REV3L: variants seen among roughly 807,000 people sequenced by gnomAD.
The protein encoded by REV3L is DNA polymerase zeta catalytic subunit.
Under a neutral mutation model 299.4 loss-of-function variants are expected in REV3L, and 69 were observed. The ratio of observed to expected loss-of-function variants is 0.23; its 90% CI spans 0.19 to 0.28. The LOEUF is 0.28. Among genes scored for constraint, REV3L ranks in the 10% least tolerant of loss-of-function variants. The probability of loss-of-function intolerance (pLI) is 1.00; values close to 1 mark genes in which losing one functional copy is unlikely to be tolerated. For missense variants in REV3L, 3,128 were observed against 3,693.8 expected (o/e 0.85, Z 3.97); for synonymous variants, 1,238 against 1,271.4 (o/e 0.97, Z 0.56).
Position 111,387,910 on chromosome 6 carries a change from T to A in REV3L, c.951A>T (p.Thr317=), listed in dbSNP as rs776769825. The change falls in exon 9 of 32, where the codon ACA becomes ACT. Residue 317 remains threonine, a synonymous_variant. Transcript: ENST00000368802. ...EILKQNDFSV[T]LSGSVDYSDG... ...CGCTGTAGTCCACAGATCCTGATAA[T>A]GTTCTGCTTAATTAAAACATATCCT... 4 of 1,613,714 alleles carry A rather than the reference T, an allele frequency of 2.5e-6. No homozygotes were observed. The Admixed American group carries it at 6.7e-5, about 27-fold the overall frequency.
At position 111,381,325 on chromosome 6, in the gene REV3L, T is replaced by G. The variant is rs1189557766; in HGVS notation, c.1216A>C (p.Met406Leu). The G allele has an allele frequency of 6.2e-7, 1 of 1,613,432 alleles. No homozygotes were observed. Among genetic ancestry groups the G allele is most frequent in the Non-Finnish European group, 8.5e-7 (1 of 1,179,808 alleles). ...TQRLSESPVFMDSSPDEALVH... is the reference protein window; with the variant it reads ...TQRLSESPVFLDSSPDEALVH... Reference sequence around the variant, plus strand: ...TATTTATGGTAGCACTGTTACTTACTGAAAACAGGTGACTCACTCAGTCTT... The same window carrying G: ...TATTTATGGTAGCACTGTTACTTACGGAAAACAGGTGACTCACTCAGTCTT... The change falls in exon 10 of 32, where the codon ATG (methionine) becomes CTG (leucine). Residue 406 changes from methionine to leucine, a missense_variant and splice_region_variant. This residue lies in a region of REV3L where 2,409 missense variants were observed against 2,611.8 expected (regional missense o/e 0.92). Transcript: ENST00000368802.
intron 4 of REV3L, among the ~76,000 whole-genome samples, chr6:111,398,445 T>C (rs1582842427): frequency 6.6e-6 from 1 of 152,126 alleles, no homozygotes; most frequent in East Asian, 1.9e-4. Context: ...AAAAAAAAAT[T>C]GTCCCATTTA....
At chr6:111,307,143 C>A (rs1180628608) in intron 31 of REV3L, among the ~76,000 whole-genome samples, 3 of 152,004 alleles carry the variant, frequency 2.0e-5, no homozygotes, top group African/African-American at 7.2e-5. Flanking sequence ...TTAAGAAACA[C>A]AACACACTAT....
chr6:111,428,385 CAG>C (rs1228631152), intron 1 of REV3L, among the ~76,000 whole-genome samples: 4 of 151,966 alleles, frequency 2.6e-5, no homozygotes, highest in Admixed American at 1.3e-4. Context: ...AAAAACCAAA[CAG>C]AAATCGAAAT....
Position 111,300,063 on chromosome 6 carries a change from C to G in REV3L, c.9346G>C (p.Glu3116Gln). The G allele has an allele frequency of 1.2e-6, 2 of 1,613,662 alleles. No individual in the cohort carries two copies. The highest frequency in any genetic ancestry group is 1.7e-6 in the Non-Finnish European group (2 of 1,179,760). ...CGGAGATATGGTGCCTTGGACAATT[C>G]TCTATTTACTCGGGAGAGTTTGAAA... ...VLFKLSRVNRELSKAPYLRQL... is the reference protein window; with the variant it reads ...VLFKLSRVNRQLSKAPYLRQL... The change falls in exon 32 of 32, where the codon GAA becomes CAA. Residue 3116 changes from glutamate (E) to glutamine (Q), a missense_variant. Physicochemically the swap from Glu to Gln is conservative, Grantham distance 29 (BLOSUM62 2). Transcript: ENST00000368802.
At chr6:111,388,319 A>C (rs1295944882) in intron 7 of REV3L, among the ~76,000 whole-genome samples, 1 of 152,070 alleles carries the variant, frequency 6.6e-6, no homozygotes, top group Non-Finnish European at 1.5e-5. Flanking sequence ...ATTATAATCT[A>C]AATCTAAAAC....
intron 3 of REV3L, among the ~76,000 whole-genome samples, chr6:111,406,236 G>A (rs1229055736): frequency 6.6e-6 from 1 of 152,200 alleles, no homozygotes; most frequent in Non-Finnish European, 1.5e-5. Context: ...TTTCTCTGAA[G>A]AGAGGGAAGA....
intron 26 of REV3L, chr6:111,315,644 T>C (rs1773439518): frequency 2.4e-6 from 1 of 424,580 alleles, no homozygotes; most frequent in Admixed American, 3.6e-5. Context: ...AAGAAAGTCC[T>C]GGATCATCCC....
At chr6:111,476,462 C>T (rs989973192) in intron 1 of REV3L, among the ~76,000 whole-genome samples, 3 of 152,060 alleles carry the variant, frequency 2.0e-5, no homozygotes, top group Non-Finnish European at 4.4e-5. Flanking sequence ...CAGCCTGAAA[C>T]GAAGTTTTGA....
intron 1 of REV3L, among the ~76,000 whole-genome samples, chr6:111,476,403 C>T (rs1008309075): frequency 1.3e-5 from 2 of 152,156 alleles, no homozygotes; most frequent in Admixed American, 1.3e-4. Context: ...GCAATCCTCC[C>T]ACCTTAGCCT....
intron 13 of REV3L, among the ~76,000 whole-genome samples, chr6:111,369,962 G>A (rs925736784): frequency 1.1e-4 from 17 of 151,560 alleles, no homozygotes; most frequent in South Asian, 2.1e-4. Context: ...TCAGCCTCCC[G>A]AGTAGGATTA....
At chr6:111,483,501 G>T (rs990694635), upstream of REV3L, 12 of 533,304 alleles carry the variant, frequency 2.3e-5, no homozygotes, top group Non-Finnish European at 3.5e-5. Context: ...CCGATCTCAT[G>T]GATGGGCTCC....
At chr6:111,430,873 G>A in intron 1 of REV3L, 2 of 1,604,988 alleles carry the variant, frequency 1.2e-6, no homozygotes, top group Non-Finnish European at 1.7e-6. Context: ...GAACAACAAT[G>A]TTGGGACTTC....
chr6:111,416,570 C>T (rs1279867421), intron 1 of REV3L, 98 bp from the exon 2 acceptor site: 2 of 967,012 alleles, frequency 2.1e-6, no homozygotes, highest in Admixed American at 2.6e-5. Context: ...GGCAACACAG[C>T]TTATCTAAGG....
intron 22 of REV3L, 109 bp from the exon 23 acceptor site, chr6:111,333,476 A>T: frequency 1.6e-6 from 2 of 1,274,700 alleles, no homozygotes; most frequent in South Asian, 1.6e-5. Flanking sequence ...AGATTGTATG[A>T]CTTTTTTTTT....
intron 4 of REV3L, among the ~76,000 whole-genome samples, chr6:111,399,231 T>C (rs1419273668): frequency 6.6e-6 from 1 of 152,214 alleles, no homozygotes; most frequent in South Asian, 2.1e-4. Context: ...AAATTCTTGG[T>C]TATACTTGAC....
At chr6:111,377,612 C>T in intron 12 of REV3L, 89 bp downstream of exon 12, 1 of 1,273,116 alleles carries the variant, frequency 7.9e-7, no homozygotes, top group Non-Finnish European at 1.1e-6. Context: ...GCTGGGATTA[C>T]AGGTGTGAGC....
chr6:111,407,667 G>T (rs4446594), intron 3 of REV3L, among the ~76,000 whole-genome samples: 1 of 152,170 alleles, frequency 6.6e-6, no homozygotes, highest in Non-Finnish European at 1.5e-5. Flanking sequence ...GAGCACAGTG[G>T]CTTGTGCTTG....
At chr6:111,328,390 C>A (rs930145401) in intron 25 of REV3L, among the ~76,000 whole-genome samples, 1 of 152,150 alleles carries the variant, frequency 6.6e-6, no homozygotes, top group East Asian at 1.9e-4. Flanking sequence ...GTGTGAGACA[C>A]CACACCTGGC....
Sources: gnomAD v4.1 joint callset for allele counts (sites outside exome capture counted in the v4.1 genomes callset) on GRCh38, gnomAD v4.1.1 for gene constraint, gnomAD v4.1.1 regional missense constraint, MANE v1.5 for transcripts, NCBI Gene and HGNC (gene_info 2026-07-23, HGNC 2026-07-21) for gene names.